The following ZFPM2 variants were observed in gnomAD, a reference collection of about 807,000 sequenced individuals.
ZFPM2 encodes zinc finger protein, FOG family member 2.
In ZFPM2, 20 loss-of-function variants were observed where a neutral mutation model predicts 98.6. The observed-to-expected ratio is 0.20, with a 90% CI of 0.14 to 0.29. ZFPM2 has a LOEUF of 0.29. ZFPM2 is among the 10% of genes least tolerant of loss of function. The pLI, the probability that ZFPM2 is intolerant of heterozygous loss-of-function variation, is 1.00. For synonymous variants in ZFPM2, 518 were observed against 502.7 expected, an observed-to-expected ratio of 1.03 and a Z score of -0.41; for missense variants, 1,310 against 1,388.6, an observed-to-expected ratio of 0.94 and a Z score of 0.90.
chr8:105,726,209 A>G (rs2131005352), intron 5 of ZFPM2, among the ~76,000 whole-genome samples: 1 of 151,474 alleles, frequency 6.6e-6, no homozygotes, highest in East Asian at 2.0e-4. Context: ...TTGCATGAGT[A>G]TTTTAATAAG....
At chr8:105,707,568 A>G (rs907683057) in intron 5 of ZFPM2, among the ~76,000 whole-genome samples, 2 of 152,162 alleles carry the variant, frequency 1.3e-5, no homozygotes, top group African/African-American at 4.8e-5. Context: ...GGTAAGACCA[A>G]TCCAATTCAG....
intron 5 of ZFPM2, among the ~76,000 whole-genome samples, chr8:105,771,907 T>G (rs1812984871): frequency 6.6e-6 from 1 of 152,208 alleles, no homozygotes. Context: ...GTTTTACTAA[T>G]GCTAATATAA....
At position 105,564,059 on chromosome 8, in the gene ZFPM2, A is replaced by T. The variant is rs369492126; in HGVS notation, c.420+2578A>T. On this transcript the variant is annotated intron_variant, in intron 4 of 7. Transcript: ENST00000407775. Reference sequence around the variant, plus strand: ...AGATAAACCTGTCTGAGAAAGTTTGATTTTTTTATTTTTCATTGAAATAAT... The same window carrying T: ...AGATAAACCTGTCTGAGAAAGTTTGTTTTTTTTATTTTTCATTGAAATAAT... 2.0e-5 allele frequency among the ~76,000 whole-genome samples: 3 copies of T among 151,970 alleles called. No individual in the cohort carries two copies. The East Asian group carries it at 5.8e-4, about 29-fold the overall frequency.
intron 2 of ZFPM2, among the ~76,000 whole-genome samples, chr8:105,440,729 G>A (rs1016453444): frequency 6.6e-6 from 1 of 152,138 alleles, no homozygotes. Context: ...CTAATTCTGC[G>A]ATACAGTCAC....
chr8:105,531,941 C>A (rs1467298457), intron 3 of ZFPM2, among the ~76,000 whole-genome samples: 1 of 152,040 alleles, frequency 6.6e-6, no homozygotes, highest in Non-Finnish European at 1.5e-5. Context: ...TGCTCTGTTG[C>A]CCAGGCTGGA....
chr8:105,717,843 A>C (rs1455290116), intron 5 of ZFPM2, among the ~76,000 whole-genome samples: 5 of 151,822 alleles, frequency 3.3e-5, no homozygotes, highest in Non-Finnish European at 5.9e-5. Context: ...AGATATGTAA[A>C]TGTAGTATCC....
chr8:105,448,533 A>T (rs1045844980), intron 3 of ZFPM2, among the ~76,000 whole-genome samples: 74 of 152,050 alleles, frequency 4.9e-4, no homozygotes, highest in African/African-American at 1.8e-3. Context: ...TTTTGATGTC[A>T]TTTCCCTCCT....
intron 5 of ZFPM2, among the ~76,000 whole-genome samples, chr8:105,773,929 T>C (rs1476984699): frequency 6.6e-6 from 1 of 152,156 alleles, no homozygotes; most frequent in Non-Finnish European, 1.5e-5. Context: ...TCTCTATGAC[T>C]GAAGAATTTC....
At chr8:105,706,272 G>T (rs963595647) in intron 5 of ZFPM2, among the ~76,000 whole-genome samples, 2 of 152,160 alleles carry the variant, frequency 1.3e-5, no homozygotes, top group African/African-American at 4.8e-5. Context: ...CTGAACAAGG[G>T]TGACTTTGGC....
At chr8:105,613,303 G>T (rs1173579468) in intron 4 of ZFPM2, among the ~76,000 whole-genome samples, 1 of 152,006 alleles carries the variant, frequency 6.6e-6, no homozygotes, top group East Asian at 1.9e-4. Context: ...GGAAGAAGAC[G>T]GGGCTGGGAG....
intron 4 of ZFPM2, among the ~76,000 whole-genome samples, chr8:105,619,431 A>G (rs1158428869): frequency 1.3e-5 from 2 of 152,008 alleles, no homozygotes; most frequent in African/African-American, 2.4e-5. Flanking sequence ...TCATCTCTCT[A>G]TTCTTGAATA....
intron 4 of ZFPM2, among the ~76,000 whole-genome samples, chr8:105,567,509 A>T (rs184823006): frequency 6.0e-4 from 92 of 152,090 alleles, no homozygotes; most frequent in Non-Finnish European, 1.1e-3. Flanking sequence ...CATTTTGTGG[A>T]CCTCTTCCCT....
At chr8:105,361,506 G>A (rs1812860944) in intron 1 of ZFPM2, among the ~76,000 whole-genome samples, 1 of 151,634 alleles carries the variant, frequency 6.6e-6, no homozygotes, top group Non-Finnish European at 1.5e-5. Context: ...TTTGGCTTTT[G>A]TTGCCATTGC....
At chr8:105,743,549 G>T (rs1180202479) in intron 5 of ZFPM2, among the ~76,000 whole-genome samples, 2 of 152,000 alleles carry the variant, frequency 1.3e-5, no homozygotes, top group African/African-American at 4.8e-5. Context: ...TATGGAAGCT[G>T]GTGGGGGTGT....
intron 3 of ZFPM2, among the ~76,000 whole-genome samples, chr8:105,450,829 TGTAGTGTAGTTAAGTG>T (rs1467367526): frequency 6.6e-6 from 1 of 152,100 alleles, no homozygotes; most frequent in Non-Finnish European, 1.5e-5. Context: ...ATAAATCTTC[TGTAGTGTAGTTAAGTG>T]GATATCGGAT....
At chr8:105,610,280 G>T (rs933410342) in intron 4 of ZFPM2, among the ~76,000 whole-genome samples, 5 of 152,102 alleles carry the variant, frequency 3.3e-5, no homozygotes, top group Non-Finnish European at 1.5e-5. Context: ...GCTGGATAAG[G>T]CTTGTGATTA....
intron 1 of ZFPM2, among the ~76,000 whole-genome samples, chr8:105,378,593 C>T (rs1387647065): frequency 6.6e-6 from 1 of 151,906 alleles, no homozygotes; most frequent in Non-Finnish European, 1.5e-5. Flanking sequence ...ATTTTGTGAC[C>T]GAATGAATAA....
intron 2 of ZFPM2, among the ~76,000 whole-genome samples, chr8:105,432,217 T>C (rs1040587762): frequency 4.6e-5 from 7 of 151,846 alleles, no homozygotes; most frequent in African/African-American, 1.7e-4. Flanking sequence ...TAAGCCATAG[T>C]AGAGAGAGAA....
chr8:105,544,077 C>A (rs754584216), intron 3 of ZFPM2, among the ~76,000 whole-genome samples: 12 of 152,026 alleles, frequency 7.9e-5, no homozygotes, highest in Non-Finnish European at 1.6e-4. Flanking sequence ...CACACTATTT[C>A]CATATTGAGT....
Sources: allele counts gnomAD v4.1 joint callset (sites outside exome capture counted in the v4.1 genomes callset), GRCh38; gene constraint gnomAD v4.1.1; transcripts MANE v1.5; gene names NCBI Gene and HGNC (gene_info 2026-07-23, HGNC 2026-07-21).